The following ADAMTSL1 variants were observed in gnomAD, a reference collection of about 807,000 sequenced individuals.
ADAMTSL1 encodes the protein ADAMTS-like protein 1.
Under a neutral mutation model 201.8 loss-of-function variants are expected in ADAMTSL1, and 126 were observed. The ratio of observed to expected loss-of-function variants is 0.62; its 90% CI spans 0.54 to 0.72. ADAMTSL1 has a LOEUF of 0.72. Ranked by LOEUF, ADAMTSL1 falls within the 30% of genes least tolerant of loss-of-function variation. The pLI is 0.00. For missense variants in ADAMTSL1, 2,679 were observed against 2,277.8 expected (o/e 1.18, Z -3.59); for synonymous variants, 1,121 against 903.4 (o/e 1.24, Z -4.32).
chr9:18,135,116 T>C (rs1423630205), intron 1 of ADAMTSL1, among the ~76,000 whole-genome samples: 1 of 152,196 alleles, frequency 6.6e-6, no homozygotes, highest in Non-Finnish European at 1.5e-5. Flanking sequence ...GACTGAGATA[T>C]TTCAGTATTT....
chr9:18,637,424 A>G (rs1009999986), intron 6 of ADAMTSL1, among the ~76,000 whole-genome samples: 1 of 152,164 alleles, frequency 6.6e-6, no homozygotes, highest in Non-Finnish European at 1.5e-5. Context: ...CAAGTGGGGG[A>G]CTGACTCTTC....
chr9:17,997,630 CTTTG>C (rs1819437772), intron 1 of ADAMTSL1, among the ~76,000 whole-genome samples: 1 of 151,888 alleles, frequency 6.6e-6, no homozygotes, highest in African/African-American at 2.4e-5. Context: ...TTTCATTGAC[CTTTG>C]TGAAAAAGGT....
chr9:18,048,866 G>A (rs1445974208), intron 1 of ADAMTSL1, among the ~76,000 whole-genome samples: 1 of 152,134 alleles, frequency 6.6e-6, no homozygotes, highest in Non-Finnish European at 1.5e-5. Context: ...ACCACAAACT[G>A]GGTGGTTTAA....
intron 4 of ADAMTSL1, among the ~76,000 whole-genome samples, chr9:18,585,265 T>C (rs1364770856): frequency 1.3e-5 from 2 of 152,220 alleles, no homozygotes; most frequent in Non-Finnish European, 2.9e-5. Flanking sequence ...AAAAAAACTT[T>C]TTGGAAAGTT....
intron 10 of ADAMTSL1, among the ~76,000 whole-genome samples, chr9:18,679,214 C>T (rs1830303000): frequency 6.6e-6 from 1 of 152,156 alleles, no homozygotes; most frequent in Non-Finnish European, 1.5e-5. Context: ...GCCTGTGCAA[C>T]ATTTTAAAAT....
chr9:18,041,236 C>T (rs957476636), intron 1 of ADAMTSL1, among the ~76,000 whole-genome samples: 5 of 152,172 alleles, frequency 3.3e-5, no homozygotes, highest in African/African-American at 1.2e-4. Context: ...GAATAAATGG[C>T]TGTTTTCCTG....
At chr9:18,356,788 A>G (rs1476565994) in intron 2 of ADAMTSL1, among the ~76,000 whole-genome samples, 1 of 152,196 alleles carries the variant, frequency 6.6e-6, no homozygotes, top group East Asian at 1.9e-4. Context: ...AAGATTTAGA[A>G]CAAACTGCTG....
chr9:18,080,358 G>T (rs182896487), intron 1 of ADAMTSL1, among the ~76,000 whole-genome samples: 1 of 152,168 alleles, frequency 6.6e-6, no homozygotes, highest in East Asian at 1.9e-4. Context: ...GAAGTGGAAA[G>T]GGTGAGCTAG....
intron 26 of ADAMTSL1, among the ~76,000 whole-genome samples, chr9:18,894,681 T>A (rs1160321975): frequency 2.0e-5 from 3 of 152,274 alleles, no homozygotes; most frequent in African/African-American, 7.2e-5. Flanking sequence ...GTATGAGATA[T>A]CTAAGTACAG....
intron 1 of ADAMTSL1, among the ~76,000 whole-genome samples, chr9:17,931,590 G>A (rs1439488041): frequency 2.0e-5 from 3 of 152,056 alleles, no homozygotes; most frequent in Admixed American, 2.0e-4. Context: ...TTTCCACATC[G>A]TGCCTCTTTC....
intron 2 of ADAMTSL1, among the ~76,000 whole-genome samples, chr9:18,333,299 C>T (rs1305801350): frequency 6.6e-6 from 1 of 152,042 alleles, no homozygotes; most frequent in Non-Finnish European, 1.5e-5. Flanking sequence ...GCAGTTTCCC[C>T]CATGCTGTTC....
intron 1 of ADAMTSL1, among the ~76,000 whole-genome samples, chr9:17,985,066 TGG>T (rs1818866970): frequency 6.6e-6 from 1 of 152,168 alleles, no homozygotes; most frequent in South Asian, 2.1e-4. Context: ...AATAGGAAGA[TGG>T]AATTAAGTTA....
At chr9:17,940,216 G>T (rs956689415) in intron 1 of ADAMTSL1, among the ~76,000 whole-genome samples, 1 of 152,106 alleles carries the variant, frequency 6.6e-6, no homozygotes, top group Non-Finnish European at 1.5e-5. Flanking sequence ...ATAATGAAAT[G>T]ATATAATTTG....
chr9:18,390,871 A>G (rs1838017013), intron 2 of ADAMTSL1, among the ~76,000 whole-genome samples: 1 of 152,248 alleles, frequency 6.6e-6, no homozygotes, highest in African/African-American at 2.4e-5. Context: ...CTTTCCTAGT[A>G]TAAGTAAGTC....
chr9:18,185,023 T>C (rs938513035), intron 2 of ADAMTSL1, among the ~76,000 whole-genome samples: 3 of 152,138 alleles, frequency 2.0e-5, no homozygotes, highest in African/African-American at 7.2e-5. Context: ...AAGTCTTTTG[T>C]ATTTTAGGGC....
chr9:18,908,359 G>T, intron 28 of ADAMTSL1, 83 bp from the exon 29 acceptor site: 1 of 1,191,840 alleles, frequency 8.4e-7, no homozygotes, highest in Non-Finnish European at 1.2e-6. Context: ...ACCCCCGGCT[G>T]CACCTCACAC....
chr9:18,742,270 T>C (rs992900664), intron 15 of ADAMTSL1, among the ~76,000 whole-genome samples: 1 of 152,208 alleles, frequency 6.6e-6, no homozygotes, highest in Admixed American at 6.5e-5. Flanking sequence ...CTTAGGTTTG[T>C]AGGGTTTTAG....
chr9:18,272,056 T>A (rs113524658), intron 2 of ADAMTSL1, among the ~76,000 whole-genome samples: 63 of 151,722 alleles, frequency 4.2e-4, no homozygotes, highest in African/African-American at 1.5e-3. Context: ...GTTTGAGTTC[T>A]TTGTAGATTC....
chr9:18,838,436 G>A (rs1329859433), intron 23 of ADAMTSL1, among the ~76,000 whole-genome samples: 1 of 150,642 alleles, frequency 6.6e-6, no homozygotes, highest in African/African-American at 2.5e-5. Flanking sequence ...TTGTCCTCAG[G>A]AAGGTAGGGA....
Sources: gnomAD v4.1 joint callset for allele counts (sites outside exome capture counted in the v4.1 genomes callset) on GRCh38, gnomAD v4.1.1 for gene constraint, MANE v1.5 for transcripts, NCBI Gene and HGNC (gene_info 2026-07-23, HGNC 2026-07-21) for gene names.